The following NEXMIF variants were observed in gnomAD, a reference collection of about 807,000 sequenced individuals.
The protein encoded by NEXMIF is neurite extension and migration factor.
NEXMIF carries 8 observed loss-of-function variants against 62.1 expected under a neutral mutation model. The ratio of observed to expected loss-of-function variants is 0.13; its 90% CI spans 0.08 to 0.23. The LOEUF is 0.23. Ranked by LOEUF, NEXMIF falls within the 10% of genes least tolerant of loss-of-function variation. The probability of loss-of-function intolerance (pLI) is 1.00; values close to 1 mark genes in which losing one functional copy is unlikely to be tolerated. For synonymous variants in NEXMIF, 404 were observed against 416.6 expected (o/e 0.97, Z 0.37); for missense variants, 976 against 1,113.3 (o/e 0.88, Z 1.75).
rs2080079372 is a variant in NEXMIF at position 74,734,095 on chromosome X, A to G, written c.*5310T>C. ...ATTATTTATAAAGCTTAACTCTAAA[A>G]GAAAAAAAAAGGCAAATAATTTCCT... On this transcript the variant is annotated 3_prime_UTR_variant, in exon 4 of 4. Transcript: ENST00000055682. The G allele has an allele frequency of 8.9e-6, 1 of 112,174 alleles. No individual in the cohort carries two copies. 9.2% of individuals were successfully genotyped at this position (112,174 alleles called of 1,213,427 possible).
rs751776296 is a variant in NEXMIF at position 74,859,721 on chromosome X, G to C, written c.-48+65162C>G. Among the ~76,000 whole-genome samples the C allele has an allele frequency of 7.2e-5, 8 of 111,189 alleles. No individual in the cohort carries two copies. The South Asian group carries it at 3.0e-3, about 42-fold the overall frequency. ...AACTTTTCAAGACACAATACAATAA[G>C]ATATAAATAGAAACAACAAAAAGTT... On this transcript the variant is annotated intron_variant, in intron 1 of 3. Coordinates refer to ENST00000055682, the MANE Select transcript of NEXMIF (RefSeq NM_001008537.3).
At chrX:74,919,986 T>C (rs897391319) in intron 1 of NEXMIF, among the ~76,000 whole-genome samples, 5 of 111,892 alleles carry the variant, frequency 4.5e-5, no homozygotes, top group Non-Finnish European at 7.5e-5. Flanking sequence ...TAGTATTCCA[T>C]GGTGTATATG....
intron 1 of NEXMIF, among the ~76,000 whole-genome samples, chrX:74,789,121 T>TC (rs2080269817): frequency 2.1e-5 from 1 of 46,991 alleles, no homozygotes; most frequent in Non-Finnish European, 3.7e-5. Context: ...ATGCTATCCC[T>TC]CCCCCTCCCC....
Position 74,741,975 on chromosome X carries a change from C to T in NEXMIF, c.2582G>A (p.Cys861Tyr), listed in dbSNP as rs942852403. The T allele has an allele frequency of 2.5e-6, 3 of 1,209,699 alleles. No homozygotes were observed. Among genetic ancestry groups the T allele is most frequent in the Non-Finnish European group, 3.4e-6 (3 of 894,930 alleles). Residue 861 changes from cysteine (C) to tyrosine (Y), a missense_variant, in exon 3 of 4, where the codon TGT becomes TAT. Cys to Tyr is a radical substitution (Grantham distance 194). This residue lies in a region of NEXMIF where 639 missense variants were observed against 694.5 expected (regional missense o/e 0.92). Transcript: ENST00000055682. ...SFVPLQPTQD[C>Y]VLTSSSDSEL... ...AGAGTCAGAGGATGAGGTGAGCACA[C>T]AGTCCTGGGTAGGCTGGAGGGGTAC...
Position 74,740,545 on chromosome X carries a change from T to C in NEXMIF, c.4012A>G (p.Ile1338Val), listed in dbSNP as rs1297277744. 7 of 1,210,173 alleles carry C rather than the reference T, an allele frequency of 5.8e-6. No homozygotes were observed. Among genetic ancestry groups the C allele is most frequent in the Non-Finnish European group, 5.6e-6 (5 of 895,126 alleles). Residue 1338 changes from isoleucine (I) to valine (V), a missense_variant, in exon 3 of 4, where the codon ATA becomes GTA. By Grantham distance (29) the Ile-to-Val change is conservative. Coordinates refer to ENST00000055682, the MANE Select transcript of NEXMIF (RefSeq NM_001008537.3). ...ADVQRFMMAS[I>V]EPLWEPMEHH... ...TCCATGGGTTCCCAAAGGGGCTCTA[T>C]GGAGGCCATCATGAATCTCTGCACA... is the stretch of plus-strand genomic sequence containing the variant.
intron 1 of NEXMIF, among the ~76,000 whole-genome samples, chrX:74,790,406 G>A (rs2080276722): frequency 8.8e-6 from 1 of 113,274 alleles, no homozygotes; most frequent in Non-Finnish European, 1.9e-5. Flanking sequence ...AAGTCAGGTA[G>A]TGTGATGCCT....
chrX:74,803,239 C>T (rs1468600454), intron 1 of NEXMIF, among the ~76,000 whole-genome samples: 1 of 111,311 alleles, frequency 9.0e-6, no homozygotes, highest in Non-Finnish European at 1.9e-5. Flanking sequence ...CATATTTGAC[C>T]CAAAGACTAC....
At position 74,741,129 on chromosome X, in the gene NEXMIF, T is replaced by A. The variant is rs1395565262; in HGVS notation, c.3428A>T (p.Asp1143Val). Residue 1143 changes from aspartate to valine, a missense_variant, in exon 3 of 4, where the codon GAT (aspartate) becomes GTT (valine). Coordinates refer to ENST00000055682, the MANE Select transcript of NEXMIF (RefSeq NM_001008537.3). ...NHQFQFHMFN[D>V]EDSVSLLQKN... ...TTGGAGCAGGCTGACAGAATCCTCA[T>A]CATTGAACATATGGAACTGAAACTG... is the stretch of plus-strand genomic sequence containing the variant. 3 of 1,208,784 alleles carry A rather than the reference T, an allele frequency of 2.5e-6. No individual in the cohort carries two copies. The Admixed American group carries it at 6.6e-5, about 26-fold the overall frequency.
chrX:74,739,372 A>T lies in NEXMIF; in HGVS notation c.*33T>A. 2 of 1,026,834 alleles carry T rather than the reference A, an allele frequency of 1.9e-6. No homozygotes were observed. Among genetic ancestry groups the T allele is most frequent in the Non-Finnish European group, 2.7e-6 (2 of 741,935 alleles). The allele number at this position is 1,026,834 out of a possible 1,213,427, so 84.6% of individuals were successfully genotyped here. A position where few individuals can be genotyped will look rare whatever the true frequency, so the allele number is the denominator to read the frequency against. On this transcript the variant is annotated 3_prime_UTR_variant, in exon 4 of 4. Coordinates refer to ENST00000055682, the MANE Select transcript of NEXMIF (RefSeq NM_001008537.3). ...ACTTACATGTCAACATACATACCACAAGGCATATTTTGAAAGAAATAAAAC... is the reference window on the plus strand; with the variant it reads ...ACTTACATGTCAACATACATACCACTAGGCATATTTTGAAAGAAATAAAAC...
At position 74,796,264 on chromosome X, in the gene NEXMIF, TTA is replaced by T. The variant is rs1216441495; in HGVS notation, c.-47-50569_-47-50568del. Among the ~76,000 whole-genome samples the T allele has an allele frequency of 7.3e-4, 12 of 16,444 alleles. 1 individual carries two copies. The highest frequency in any genetic ancestry group is 3.2e-3 in the Non-Finnish European group (8 of 2,526). The allele number at this position is 16,444 out of a possible 115,157, so 14.3% of individuals were successfully genotyped here. A position where few individuals can be genotyped will look rare whatever the true frequency, so the allele number is the denominator to read the frequency against. On this transcript the variant is annotated intron_variant, in intron 1 of 3. Transcript: ENST00000055682. Reference sequence around the variant, plus strand: ...TATATACACATATATATTATATATATTATATATATACATATATATTATATATA... The same window carrying T: ...TATATACACATATATATTATATATATTATATATACATATATATTATATATA...
At chrX:74,776,538 C>G (rs1447643097) in intron 1 of NEXMIF, among the ~76,000 whole-genome samples, 1 of 109,931 alleles carries the variant, frequency 9.1e-6, no homozygotes, top group Non-Finnish European at 1.9e-5. Flanking sequence ...CCAGCTTGGC[C>G]AACATGGTGA....
intron 1 of NEXMIF, among the ~76,000 whole-genome samples, chrX:74,886,795 A>G (rs1466642204): frequency 9.3e-6 from 1 of 107,376 alleles, no homozygotes; most frequent in Admixed American, 9.8e-5. Context: ...ATTGGAAAAA[A>G]CTACTTTAAA....
chrX:74,786,968 T>C (rs1569342817), intron 1 of NEXMIF, among the ~76,000 whole-genome samples: 2 of 110,176 alleles, frequency 1.8e-5, no homozygotes, highest in East Asian at 2.9e-4. Flanking sequence ...AAAATAAAGA[T>C]TGAAGCTATG....
rs141385068 is a variant in NEXMIF, at chrX:74,848,413, T to G, written c.-48+76470A>C. Among the ~76,000 whole-genome samples the G allele has an allele frequency of 6.3e-3, 707 of 112,464 alleles. 2 individuals carry two copies. Among genetic ancestry groups the G allele is most frequent in the Admixed American group, 0.011 (117 of 10,690 alleles). ...ATAAATTACAACAAAGTCAGTGGCA[T>G]AAAACAACAGTAATTTATTCTCTCA... On this transcript the variant is annotated intron_variant, in intron 1 of 3. Transcript: ENST00000055682.
intron 1 of NEXMIF, among the ~76,000 whole-genome samples, chrX:74,753,953 C>T (rs971140447): frequency 2.7e-5 from 3 of 111,839 alleles, no homozygotes; most frequent in Non-Finnish European, 5.6e-5. Context: ...ATGACAAGTA[C>T]AAAAGTTTCT....
intron 1 of NEXMIF, among the ~76,000 whole-genome samples, chrX:74,767,730 T>C (rs933076395): frequency 1.8e-5 from 2 of 111,224 alleles, no homozygotes; most frequent in Non-Finnish European, 3.8e-5. Flanking sequence ...GGGACCCATG[T>C]AAAAAAAGCA....
At chrX:74,748,981 A>C (rs1333999242) in intron 1 of NEXMIF, among the ~76,000 whole-genome samples, 1 of 112,226 alleles carries the variant, frequency 8.9e-6, no homozygotes, top group Non-Finnish European at 1.9e-5. Context: ...CAAAATTATT[A>C]GTACTACCTG....
intron 1 of NEXMIF, among the ~76,000 whole-genome samples, chrX:74,768,373 A>C (rs2080200783): frequency 9.0e-6 from 1 of 111,650 alleles, no homozygotes; most frequent in African/African-American, 3.3e-5. Flanking sequence ...TCTACTTGCC[A>C]CTTCTCTCCA....
At chrX:74,824,049 C>A (rs1251168460) in intron 1 of NEXMIF, among the ~76,000 whole-genome samples, 1 of 111,163 alleles carries the variant, frequency 9.0e-6, no homozygotes, top group African/African-American at 3.3e-5. Flanking sequence ...GGTCCTCATA[C>A]CATTCAAGTC....
Sources: gnomAD v4.1 joint callset for allele counts (sites outside exome capture counted in the v4.1 genomes callset) on GRCh38, gnomAD v4.1.1 for gene constraint, gnomAD v4.1.1 regional missense constraint, MANE v1.5 for transcripts, NCBI Gene and HGNC (gene_info 2026-07-23, HGNC 2026-07-21) for gene names.